The following PRDM11 variants were observed in gnomAD, a reference collection of about 807,000 sequenced individuals.
PRDM11 encodes the protein PR/SET domain 11.
PRDM11 carries 20 observed loss-of-function variants against 97.8 expected under a neutral mutation model. That is an observed-to-expected ratio of 0.20 (90% CI 0.14 to 0.30). The LOEUF (loss-of-function observed/expected upper bound fraction) is 0.30. PRDM11 is among the 10% of genes least tolerant of loss of function. The probability of loss-of-function intolerance (pLI) is 1.00; values close to 1 mark genes in which losing one functional copy is unlikely to be tolerated. For missense variants in PRDM11, 1,139 were observed against 1,555.2 expected, an observed-to-expected ratio of 0.73 and a Z score of 4.50; for synonymous variants, 599 against 637.7, an observed-to-expected ratio of 0.94 and a Z score of 0.91.
intron 1 of PRDM11, among the ~76,000 whole-genome samples, chr11:45,096,453 G>C (rs1380279049): frequency 6.6e-6 from 1 of 152,132 alleles, no homozygotes; most frequent in African/African-American, 2.4e-5. Context: ...TGAGATTATA[G>C]GTGACATAAT....
chr11:45,122,202 G>C (rs2021225), intron 1 of PRDM11, among the ~76,000 whole-genome samples: 2,661 of 145,076 alleles, frequency 0.018, 41 homozygotes, highest in African/African-American at 0.051. Flanking sequence ...CACACACACA[G>C]ACACACACAC....
In PRDM11 at chr11:45,221,568, C is replaced by T. The variant is rs140504311; in HGVS notation, c.742+1811C>T. Among the ~76,000 whole-genome samples the T allele has an allele frequency of 2.0e-3, 309 of 152,244 alleles. 2 individuals are homozygous for T. The highest frequency in any genetic ancestry group is 7.2e-3 in the African/African-American group (297 of 41,516). ...TTCCCCTCAGTGGTCTTCTCCAGAG[C>T]ACCTGAAGCTGCATCATCCTCCATG... On this transcript the variant is annotated intron_variant, in intron 6 of 7. Transcript: ENST00000683152.
intron 1 of PRDM11, among the ~76,000 whole-genome samples, chr11:45,098,282 G>A (rs1349039328): frequency 1.3e-5 from 2 of 152,230 alleles, no homozygotes; most frequent in East Asian, 3.9e-4. Flanking sequence ...TGCTAAGGAA[G>A]GACCCTCTGG....
chr11:45,173,253 A>G (rs1474393067), intron 1 of PRDM11, among the ~76,000 whole-genome samples: 2 of 152,090 alleles, frequency 1.3e-5, no homozygotes, highest in Admixed American at 6.6e-5. Flanking sequence ...ACAAAGTCCA[A>G]CTTCCAGTGG....
intron 1 of PRDM11, among the ~76,000 whole-genome samples, chr11:45,107,360 C>G (rs1852080098): frequency 6.6e-6 from 1 of 152,154 alleles, no homozygotes; most frequent in Non-Finnish European, 1.5e-5. Flanking sequence ...GAGTCATAGC[C>G]CATTTCAGGG....
In PRDM11 at chr11:45,181,840, C is replaced by G. The variant is rs770286632; in HGVS notation, c.74C>G (p.Thr25Arg). The G allele has an allele frequency of 1.9e-6, 3 of 1,613,288 alleles. No individual in the cohort carries two copies. Among genetic ancestry groups the G allele is most frequent in the African/African-American group, 2.7e-5 (2 of 74,876 alleles). Residue 25 changes from threonine (T) to arginine (R), a missense_variant, in exon 2 of 8, where the codon ACG becomes AGG. Coordinates refer to ENST00000683152, the MANE Select transcript of PRDM11 (RefSeq NM_001384648.1). Reference sequence around the variant, plus strand: ...GGGGATATGGTGACGGTGGTGAAGACGGAGGTCTGCTCACCACTCCGAGAC... The same window carrying G: ...GGGGATATGGTGACGGTGGTGAAGAGGGAGGTCTGCTCACCACTCCGAGAC... The part of the protein sequence containing the change: ...AVGDMVTVVK[T>R]EVCSPLRDQE...
chr11:45,213,064 A>G (rs1156641063), intron 5 of PRDM11: 2 of 449,446 alleles, frequency 4.4e-6, no homozygotes, highest in Non-Finnish European at 9.0e-6. Flanking sequence ...CTGCACTAGG[A>G]GGAAGAGTCA....
chr11:45,106,576 C>G (rs1852064882), intron 1 of PRDM11, among the ~76,000 whole-genome samples: 1 of 152,138 alleles, frequency 6.6e-6, no homozygotes, highest in Non-Finnish European at 1.5e-5. Flanking sequence ...TACCTCTGCC[C>G]ATAATGCCTG....
At chr11:45,122,401 T>C (rs1283738969) in intron 1 of PRDM11, among the ~76,000 whole-genome samples, 1 of 151,842 alleles carries the variant, frequency 6.6e-6, no homozygotes, top group Non-Finnish European at 1.5e-5. Flanking sequence ...TATACATGTA[T>C]ACATGGTATA....
At chr11:45,130,567 C>A (rs753822410) in intron 1 of PRDM11, among the ~76,000 whole-genome samples, 1 of 152,064 alleles carries the variant, frequency 6.6e-6, no homozygotes. Context: ...TAAGTGTTGG[C>A]AAGAACGTGG....
intron 1 of PRDM11, among the ~76,000 whole-genome samples, chr11:45,168,957 C>T (rs776162079): frequency 1.6e-4 from 25 of 152,250 alleles, no homozygotes; most frequent in Admixed American, 8.5e-4. Context: ...TGTGGCTGAC[C>T]GGGTACTTGG....
At chr11:45,149,882 C>T (rs1851617656) in intron 1 of PRDM11, among the ~76,000 whole-genome samples, 2 of 152,226 alleles carry the variant, frequency 1.3e-5, no homozygotes, top group African/African-American at 4.8e-5. Context: ...CTGACCGATG[C>T]AGGGACTAGA....
At position 45,193,748 on chromosome 11, in the gene PRDM11, A is replaced by G. The variant is rs531771966; in HGVS notation, c.486+10625A>G. 1.9e-3 allele frequency among the ~76,000 whole-genome samples: 286 copies of G among 152,252 alleles called. 2 individuals carry two copies. Among genetic ancestry groups the G allele is most frequent in the African/African-American group, 6.4e-3 (266 of 41,542 alleles). ...TGAGCCCTGACATAGAACGACAATC[A>G]TTTACTCTTGCTCACGTATCTGCTG... is the stretch of plus-strand genomic sequence containing the variant. On this transcript the variant is annotated intron_variant, in intron 4 of 7. Transcript: ENST00000683152.
Position 45,114,819 on chromosome 11 carries a change from A to AG in PRDM11, c.96+18921dup, listed in dbSNP as rs551574607. On this transcript the variant is annotated intron_variant, in intron 1 of 6. Transcript: ENST00000530656. ...GAAATACCATCTTTAATGTGCTGAA[A>AG]GGGAAAAAAAAACTTAGAATTATAT... Among the ~76,000 whole-genome samples the AG allele has an allele frequency of 7.2e-5, 11 of 152,252 alleles. No homozygotes were observed. The East Asian group carries it at 2.1e-3, about 29-fold the overall frequency.
chr11:45,218,461 C>A (rs1223318818), intron 5 of PRDM11, among the ~76,000 whole-genome samples: 1 of 152,224 alleles, frequency 6.6e-6, no homozygotes, highest in African/African-American at 2.4e-5. Context: ...CTGAATTCTT[C>A]TGTGAATTTT....
intron 3 of PRDM11, 94 bp from the exon 4 acceptor site, chr11:45,182,767 T>C (rs2135738751): frequency 2.1e-6 from 3 of 1,407,016 alleles, no homozygotes; most frequent in South Asian, 2.8e-5. Context: ...TGGCTGTCCA[T>C]GAGTGGGCCT....
intron 1 of PRDM11, among the ~76,000 whole-genome samples, chr11:45,096,997 G>A (rs1451010869): frequency 2.6e-5 from 4 of 152,168 alleles, no homozygotes; most frequent in Admixed American, 2.6e-4. Flanking sequence ...TGGCAAACGG[G>A]GATAATGAGG....
chr11:45,151,972 C>A (rs1383600638), intron 1 of PRDM11, among the ~76,000 whole-genome samples: 1 of 152,138 alleles, frequency 6.6e-6, no homozygotes, highest in African/African-American at 2.4e-5. Context: ...TGGTTGCATC[C>A]TCTCCCTAGA....
At chr11:45,105,272 T>C (rs1463669932) in intron 1 of PRDM11, among the ~76,000 whole-genome samples, 4 of 152,202 alleles carry the variant, frequency 2.6e-5, no homozygotes. Context: ...ATCACATCGG[T>C]GATTAGGTTT....
Sources: gnomAD v4.1 joint callset for allele counts (sites outside exome capture counted in the v4.1 genomes callset) on GRCh38, gnomAD v4.1.1 for gene constraint, MANE v1.5 for transcripts, NCBI Gene and HGNC (gene_info 2026-07-23, HGNC 2026-07-21) for gene names.